Variants in ABCA12 observed in about 807,000 individuals in gnomAD.
ABCA12 encodes the protein ATP binding cassette subfamily A member 12, also known as glucosylceramide transporter ABCA12.
Under a neutral mutation model 293.5 loss-of-function variants are expected in ABCA12, and 156 were observed. That is an observed-to-expected ratio of 0.53 (90% CI 0.47 to 0.61). The LOEUF (loss-of-function observed/expected upper bound fraction) is 0.61. ABCA12 is among the 20% of genes least tolerant of loss of function. ABCA12 has a pLI of 0.00. For missense variants in ABCA12, 2,797 were observed against 3,090.2 expected, an observed-to-expected ratio of 0.91 and a Z score of 2.25; for synonymous variants, 1,063 against 1,108.0, an observed-to-expected ratio of 0.96 and a Z score of 0.81.
chr2:215,034,183 C>T (rs1700942321), intron 8 of ABCA12, among the ~76,000 whole-genome samples: 1 of 152,072 alleles, frequency 6.6e-6, no homozygotes, highest in Admixed American at 6.5e-5. Context: ...ATAAATGGAC[C>T]TACTATGGAG....
At chr2:215,123,029 T>G (rs1309567999) in intron 1 of ABCA12, among the ~76,000 whole-genome samples, 1 of 152,198 alleles carries the variant, frequency 6.6e-6, no homozygotes, top group Non-Finnish European at 1.5e-5. Flanking sequence ...TGAGAACATA[T>G]GATATGTGAT....
rs538831003 is a variant in ABCA12, at chr2:214,965,323, A to C, written c.5884+1525T>G. 2.6e-5 allele frequency among the ~76,000 whole-genome samples: 4 copies of C among 152,126 alleles called. No homozygotes were observed. The South Asian group carries it at 8.3e-4, about 32-fold the overall frequency. ...CATTCGGGACATAGGCACGGGCAAA[A>C]ATTTCATGATGAAAATGCCAAAAAC... On this transcript the variant is annotated intron_variant, in intron 39 of 52. Coordinates refer to ENST00000272895, the MANE Select transcript of ABCA12 (RefSeq NM_173076.3).
At chr2:215,052,682 A>G in intron 4 of ABCA12, 98 bp from the exon 5 acceptor site, 1 of 1,013,994 alleles carries the variant, frequency 9.9e-7, no homozygotes, top group South Asian at 1.3e-5. Flanking sequence ...GACCTCATAT[A>G]CCCTACAGCA....
intron 1 of ABCA12, among the ~76,000 whole-genome samples, chr2:215,134,285 T>C (rs1703128734): frequency 6.8e-6 from 1 of 147,632 alleles, no homozygotes; most frequent in South Asian, 2.1e-4. Context: ...TATGTGTATA[T>C]ATGTATATGT....
chr2:215,121,874 T>C (rs1702812041), intron 1 of ABCA12, among the ~76,000 whole-genome samples: 2 of 152,184 alleles, frequency 1.3e-5, no homozygotes, highest in African/African-American at 4.8e-5. Flanking sequence ...CCTTCCACCA[T>C]GAATGTGAGG....
At chr2:214,945,210 A>G in intron 48 of ABCA12, 106 bp from the exon 49 acceptor site, 1 of 918,888 alleles carries the variant, frequency 1.1e-6, no homozygotes. Context: ...ATACTTTTCG[A>G]GGTCCTGTGA....
At chr2:215,060,097 T>C (rs1701497501) in intron 3 of ABCA12, among the ~76,000 whole-genome samples, 1 of 152,084 alleles carries the variant, frequency 6.6e-6, no homozygotes, top group Non-Finnish European at 1.5e-5. Flanking sequence ...AGAAACAATG[T>C]CTTATGGTAC....
chr2:215,002,628 T>C (rs969689529), intron 20 of ABCA12, among the ~76,000 whole-genome samples: 2 of 152,180 alleles, frequency 1.3e-5, no homozygotes, highest in Admixed American at 6.5e-5. Flanking sequence ...GCATTTCTCA[T>C]TAGAATTTAA....
intron 23 of ABCA12, among the ~76,000 whole-genome samples, chr2:214,992,521 C>CA (rs1252064742): frequency 6.9e-4 from 44 of 64,186 alleles, no homozygotes; most frequent in South Asian, 9.7e-4. Flanking sequence ...GTATCCCCCC[C>CA]CTTTTTTTTT....
chr2:214,995,770 A>G (rs1700019180), intron 23 of ABCA12, among the ~76,000 whole-genome samples: 1 of 152,162 alleles, frequency 6.6e-6, no homozygotes, highest in Admixed American at 6.5e-5. Context: ...TGCCACCAAG[A>G]AAGAAAGATT....
chr2:215,111,726 T>C (rs1390509607), intron 1 of ABCA12, 36 bp from the exon 2 acceptor site: 2 of 1,508,674 alleles, frequency 1.3e-6, no homozygotes. Flanking sequence ...GTTAGTTTTA[T>C]TGTTGAACCA....
At chr2:215,017,655 TTTTG>T in intron 14 of ABCA12, 1 of 171,778 alleles carries the variant, frequency 5.8e-6, no homozygotes, top group Non-Finnish European at 1.2e-5. Context: ...TTTTTTTTTT[TTTTG>T]AGACGGAGTC....
intron 18 of ABCA12, 87 bp downstream of exon 18, chr2:215,010,244 A>G (rs1700341978): frequency 4.0e-6 from 6 of 1,492,268 alleles, no homozygotes; most frequent in African/African-American, 1.4e-5. Context: ...ATAGAAAGAA[A>G]TCAGTCAGCT....
intron 9 of ABCA12, among the ~76,000 whole-genome samples, chr2:215,030,572 C>T (rs1426931477): frequency 1.3e-5 from 2 of 150,212 alleles, no homozygotes; most frequent in Non-Finnish European, 1.5e-5. Flanking sequence ...CCACTGCACT[C>T]CAGCCTGGGC....
intron 2 of ABCA12, chr2:215,075,692 T>A (rs1166379624): frequency 1.6e-6 from 1 of 617,450 alleles, no homozygotes; most frequent in African/African-American, 1.9e-5. Flanking sequence ...AAAATATAAT[T>A]TTGATAACCC....
intron 2 of ABCA12, among the ~76,000 whole-genome samples, chr2:215,077,579 A>G (rs1366730360): frequency 6.6e-6 from 1 of 152,122 alleles, no homozygotes; most frequent in Non-Finnish European, 1.5e-5. Flanking sequence ...TATTACCTCT[A>G]TCTACTCTCC....
At chr2:214,960,721 C>A (rs1438605871) in intron 39 of ABCA12, 2 of 152,070 alleles carry the variant, frequency 1.3e-5, no homozygotes, top group Non-Finnish European at 2.9e-5. Context: ...AGATGCTTCC[C>A]ATGGACCACT....
intron 2 of ABCA12, chr2:215,082,506 A>G (rs879412993): frequency 1.3e-5 from 2 of 152,172 alleles, no homozygotes; most frequent in Non-Finnish European, 2.9e-5. Flanking sequence ...ATACTTTTAT[A>G]ATTGTGCTAC....
At chr2:215,039,480 G>A (rs570971304) in intron 7 of ABCA12, among the ~76,000 whole-genome samples, 41 of 152,246 alleles carry the variant, frequency 2.7e-4, no homozygotes, top group Admixed American at 2.4e-3. Context: ...TAAAGGCCGG[G>A]CGCAGTGGCT....
Sources: gnomAD v4.1 joint callset for allele counts (sites outside exome capture counted in the v4.1 genomes callset) on GRCh38, gnomAD v4.1.1 for gene constraint, MANE v1.5 for transcripts, NCBI Gene and HGNC (gene_info 2026-07-23, HGNC 2026-07-21) for gene names.